DOCK11: variants seen among roughly 807,000 people sequenced by gnomAD.
DOCK11 encodes dedicator of cytokinesis 11.
In DOCK11, 70 loss-of-function variants were observed where a neutral mutation model predicts 169.1. That is an observed-to-expected ratio of 0.41 (90% CI 0.34 to 0.51). The LOEUF (loss-of-function observed/expected upper bound fraction) is 0.51, where lower values mean the gene tolerates loss of function less well. Among genes scored for constraint, DOCK11 ranks in the 20% least tolerant of loss-of-function variants. The pLI is 0.10. For missense variants in DOCK11, 1,166 were observed against 1,538.8 expected (o/e 0.76, Z 4.05); for synonymous variants, 529 against 541.3 (o/e 0.98, Z 0.32).
At chrX:118,639,324 G>C (rs752285017) in intron 37 of DOCK11, 111 bp from the exon 38 acceptor site, 36 of 736,709 alleles carry the variant, frequency 4.9e-5, no homozygotes, top group Non-Finnish European at 6.5e-5. Flanking sequence ...TTTAATCCTT[G>C]AGTGTACTAC....
At chrX:118,590,323 CA>C (rs778421459) in intron 19 of DOCK11, 21 bp downstream of exon 19, 1 of 1,116,346 alleles carries the variant, frequency 9.0e-7, no homozygotes, top group South Asian at 1.9e-5. Context: ...ATTATCCTGA[CA>C]TTTCTAAAAC....
chrX:118,571,064 G>A (rs1355000628), intron 10 of DOCK11, among the ~76,000 whole-genome samples: 2 of 111,505 alleles, frequency 1.8e-5, no homozygotes, highest in East Asian at 2.8e-4. Flanking sequence ...TTTCCTAAGC[G>A]GATGCCTCTT....
intron 1 of DOCK11, among the ~76,000 whole-genome samples, chrX:118,500,881 A>G (rs2057571759): frequency 1.8e-5 from 2 of 110,971 alleles, no homozygotes; most frequent in East Asian, 2.8e-4. Context: ...GAGCTCAAGC[A>G]GTCCTCCCAC....
rs1448328752 is a variant in DOCK11, at chrX:118,600,280, G to A, written c.2562+1052G>A. 5.4e-5 allele frequency among the ~76,000 whole-genome samples: 6 copies of A among 110,411 alleles called. No homozygotes were observed. The East Asian group carries it at 8.5e-4, about 16-fold the overall frequency. The stretch of plus-strand genomic sequence containing the variant: ...AAATCAGCCAGACGTGGTGGCATAC[G>A]CCTGTAATCCCAGCTACTCAGGAGG... On this transcript the variant is annotated intron_variant, in intron 23 of 52. Coordinates refer to ENST00000276202, the MANE Select transcript of DOCK11 (RefSeq NM_144658.4).
At chrX:118,638,157 T>G (rs373923945) in intron 37 of DOCK11, 30 bp downstream of exon 37, 1 of 1,180,351 alleles carries the variant, frequency 8.5e-7, no homozygotes, top group Non-Finnish European at 1.1e-6. Context: ...AATTTCTACT[T>G]TTTCCTTCTC....
At chrX:118,587,901 C>T (rs1343848327) in intron 16 of DOCK11, among the ~76,000 whole-genome samples, 1 of 111,917 alleles carries the variant, frequency 8.9e-6, no homozygotes, top group African/African-American at 3.2e-5. Context: ...ACATTGAGAA[C>T]GAAATAGCAC....
chrX:118,575,627 C>A lies in DOCK11; in HGVS notation c.1389+1609C>A, dbSNP rs147286117. Among the ~76,000 whole-genome samples, 1,255 of 112,057 alleles carry A rather than the reference C, an allele frequency of 0.011. 38 individuals are homozygous for A. The East Asian group carries it at 0.11, about 10-fold the overall frequency. On this transcript the variant is annotated intron_variant, in intron 12 of 52. Transcript: ENST00000276202. ...TTGTCCTCAAGTTGTCCCTTATCCC[C>A]TGATAGCCCCTTAGCTTGTTACTGA...
intron 1 of DOCK11, among the ~76,000 whole-genome samples, chrX:118,512,741 T>G: frequency 9.0e-6 from 1 of 110,908 alleles, no homozygotes; most frequent in African/African-American, 3.3e-5. Flanking sequence ...TGCCCTCCTT[T>G]TTTCCATCCT....
At chrX:118,619,497 A>AAATAT (rs1556312710) in intron 31 of DOCK11, among the ~76,000 whole-genome samples, 1 of 90,854 alleles carries the variant, frequency 1.1e-5, no homozygotes, top group African/African-American at 4.1e-5. Context: ...AAAAAAAAAA[A>AAATAT]ATATATATAT....
intron 24 of DOCK11, among the ~76,000 whole-genome samples, chrX:118,606,677 A>T (rs2014513522): frequency 8.9e-6 from 1 of 111,942 alleles, no homozygotes; most frequent in Admixed American, 9.4e-5. Flanking sequence ...ACAGCCACAC[A>T]CCATTTGCGG....
chrX:118,606,081 A>ATTT (rs952643747), intron 24 of DOCK11, among the ~76,000 whole-genome samples: 796 of 70,957 alleles, frequency 0.011, 33 homozygotes, highest in African/African-American at 0.038. Context: ...GAGGAACAGA[A>ATTT]TTTTTTTTTT....
Position 118,609,368 on chromosome X carries a change from A to G in DOCK11, c.2949+19A>G. 1 of 1,089,895 alleles carries G rather than the reference A, an allele frequency of 9.2e-7. No homozygotes were observed. The highest frequency in any genetic ancestry group is 2.1e-5 in the South Asian group (1 of 47,951). The allele number at this position is 1,089,895 out of a possible 1,213,427, so 89.8% of individuals were successfully genotyped here. A position where few individuals can be genotyped will look rare whatever the true frequency, so the allele number is the denominator to read the frequency against. On this transcript the variant is annotated intron_variant, in intron 27 of 52. Transcript: ENST00000276202. Reference sequence around the variant, plus strand: ...GATTAAGGTAAGTAAATTAAGGTAAAGAATAACTTTCAATTGGCAAATGAT... The same window carrying G: ...GATTAAGGTAAGTAAATTAAGGTAAGGAATAACTTTCAATTGGCAAATGAT...
intron 6 of DOCK11, among the ~76,000 whole-genome samples, chrX:118,557,365 A>G (rs1261450686): frequency 5.4e-5 from 6 of 111,583 alleles, no homozygotes; most frequent in South Asian, 3.8e-4. Context: ...GTGAGGAAAG[A>G]GGATTCTAGG....
intron 6 of DOCK11, among the ~76,000 whole-genome samples, chrX:118,549,076 TG>T (rs2012387770): frequency 9.8e-6 from 1 of 101,888 alleles, no homozygotes; most frequent in South Asian, 4.0e-4. Context: ...CTCTTTGCTT[TG>T]CCTCTTTTTA....
At chrX:118,608,383 C>T in intron 26 of DOCK11, 27 bp downstream of exon 26, 1 of 1,177,794 alleles carries the variant, frequency 8.5e-7, no homozygotes, top group African/African-American at 1.8e-5. Flanking sequence ...CAACAAGGAA[C>T]AAAAGCAGCC....
At chrX:118,684,495 C>T (rs1487564963) in intron 52 of DOCK11, among the ~76,000 whole-genome samples, 1 of 108,346 alleles carries the variant, frequency 9.2e-6, no homozygotes, top group Non-Finnish European at 1.9e-5. Flanking sequence ...AGGATGGTGT[C>T]GATCTCCTGA....
chrX:118,664,082 C>G (rs973178921), intron 45 of DOCK11, among the ~76,000 whole-genome samples: 4 of 110,820 alleles, frequency 3.6e-5, no homozygotes, highest in African/African-American at 1.3e-4. Context: ...GAGCTAGAGG[C>G]AGGGGCTAGA....
rs1569440569 is a variant in DOCK11 at position 118,647,738 on chromosome X, A to ATATAATATATAATAATTAATATAATATAT, written c.4399-1191_4399-1190insTAATATAATATATTATAATATATAATAAT. 5.5e-4 allele frequency among the ~76,000 whole-genome samples: 27 copies of ATATAATATATAATAATTAATATAATATAT among 49,425 alleles called. 1 individual carries two copies. The Admixed American group carries it at 6.3e-3, about 11-fold the overall frequency. 42.9% of individuals were successfully genotyped at this position (49,425 alleles called of 115,157 possible). A position where few individuals can be genotyped will look rare whatever the true frequency, so the allele number is the denominator to read the frequency against. On this transcript the variant is annotated intron_variant, in intron 40 of 52. Transcript: ENST00000276202. ...AATATATAATAATTAATATAATATA[A>ATATAATATATAATAATTAATATAATATAT]TATAATATATAATAATATATAATAT...
chrX:118,647,560 T>A (rs1184817044), intron 40 of DOCK11, among the ~76,000 whole-genome samples: 2 of 70,101 alleles, frequency 2.9e-5, no homozygotes, highest in African/African-American at 5.6e-5. Flanking sequence ...TTATTATATA[T>A]TAATATAATA....
Sources: gnomAD v4.1 joint callset for allele counts (sites outside exome capture counted in the v4.1 genomes callset) on GRCh38, gnomAD v4.1.1 for gene constraint, MANE v1.5 for transcripts, NCBI Gene and HGNC (gene_info 2026-07-23, HGNC 2026-07-21) for gene names.